Variants in NXN observed in about 807,000 individuals in gnomAD.
NXN encodes nucleoredoxin 1.
NXN carries 16 observed loss-of-function variants against 48.6 expected under a neutral mutation model. The observed-to-expected ratio is 0.33, with a 90% CI of 0.22 to 0.50. NXN has a LOEUF of 0.50. Ranked by LOEUF, NXN falls within the 20% of genes least tolerant of loss-of-function variation. The pLI is 0.98. For synonymous variants in NXN, 281 were observed against 269.6 expected, an observed-to-expected ratio of 1.04 and a Z score of -0.41; for missense variants, 492 against 605.5, an observed-to-expected ratio of 0.81 and a Z score of 1.97.
chr17:925,723 C>T (rs2068791799), intron 1 of NXN, among the ~76,000 whole-genome samples: 1 of 152,168 alleles, frequency 6.6e-6, no homozygotes, highest in African/African-American at 2.4e-5. Context: ...CTGTTAATGT[C>T]TCACCTCTCA....
intron 1 of NXN, among the ~76,000 whole-genome samples, chr17:931,174 C>G (rs559114561): frequency 6.6e-6 from 1 of 151,696 alleles, no homozygotes; most frequent in African/African-American, 2.4e-5. Flanking sequence ...GTAGGCCCAA[C>G]GACACAGGAG....
chr17:920,466 C>T lies in NXN; in HGVS notation c.360+58853G>A, dbSNP rs2068736460. Among the ~76,000 whole-genome samples, 1 of 152,074 alleles carries T rather than the reference C, an allele frequency of 6.6e-6. No homozygotes were observed. The highest frequency in any genetic ancestry group is 1.5e-5 in the Non-Finnish European group (1 of 68,008). ...GCCTGATCCCAATTCCTCCAGCGTT[C>T]TCCTCCCAGGGTTCCGCTCCCTCCC... On this transcript the variant is annotated intron_variant, in intron 1 of 7. Transcript: ENST00000336868. This position sits in a 1 kb window ranked among gnomAD's most constrained non-coding sequence, Gnocchi z 4.6.
Position 800,865 on chromosome 17 carries a change from C to A in NXN, c.*84G>T. ...CTTGGGTGGTGGGATTCGGGGCACG[C>A]TGGGTAAGTCCAAGGGCGGAAGGAA... is the stretch of plus-strand genomic sequence containing the variant. On this transcript the variant is annotated 3_prime_UTR_variant, in exon 8 of 8. Transcript: ENST00000336868. 1.0e-6 allele frequency: 1 copy of A among 986,564 alleles called. No homozygotes were observed. Among genetic ancestry groups the A allele is most frequent in the Non-Finnish European group, 1.4e-6 (1 of 734,440 alleles). 61.1% of individuals were successfully genotyped at this position (986,564 alleles called of 1,614,324 possible).
intron 1 of NXN, among the ~76,000 whole-genome samples, chr17:947,695 T>C (rs1299406935): frequency 6.4e-5 from 8 of 124,740 alleles, no homozygotes; most frequent in African/African-American, 2.2e-4. Flanking sequence ...ATCCTGCCAC[T>C]GCACTCCGGC....
chr17:843,018 A>AAGAG (rs1567829042), intron 1 of NXN, among the ~76,000 whole-genome samples: 1 of 113,630 alleles, frequency 8.8e-6, no homozygotes, highest in East Asian at 2.2e-4. Context: ...GAAAGAAAGA[A>AAGAG]AGAAAGAAAG....
Position 806,088 on chromosome 17 carries a change from C to T in NXN, c.821-841G>A, listed in dbSNP as rs537446571. 1.5e-4 allele frequency among the ~76,000 whole-genome samples: 22 copies of T among 149,786 alleles called. No homozygotes were observed. The South Asian group carries it at 3.0e-3, about 21-fold the overall frequency. ...CCTGAGGCTGGCCGCACCGGAGACT[C>T]GAAGAGGAGGACAGCTGACTGCAGC... On this transcript the variant is annotated intron_variant, in intron 5 of 7. Coordinates refer to ENST00000336868, the MANE Select transcript of NXN (RefSeq NM_022463.5).
chr17:943,542 C>G (rs1249802292), intron 1 of NXN, among the ~76,000 whole-genome samples: 1 of 152,222 alleles, frequency 6.6e-6, no homozygotes, highest in African/African-American at 2.4e-5. Flanking sequence ...TATTACCGGG[C>G]TGGGCACAGT....
chr17:971,127 G>A (rs541528804), intron 1 of NXN, among the ~76,000 whole-genome samples: 4 of 151,976 alleles, frequency 2.6e-5, no homozygotes, highest in Admixed American at 6.5e-5. Context: ...TGTATTTTAA[G>A]TAGAGACAGG....
chr17:839,791 C>T (rs1405888701), intron 1 of NXN, among the ~76,000 whole-genome samples: 1 of 57,038 alleles, frequency 1.8e-5, no homozygotes. Context: ...GACAGAGAGA[C>T]CTTGTTAAAA....
intron 5 of NXN, among the ~76,000 whole-genome samples, chr17:812,819 TGC>T (rs1192907125): frequency 8.7e-5 from 13 of 149,260 alleles, no homozygotes; most frequent in Middle Eastern, 3.5e-3. Context: ...TAGGTGTGTG[TGC>T]GAGTGTGCAT....
At chr17:856,159 C>CT (rs2067983798) in intron 1 of NXN, among the ~76,000 whole-genome samples, 1 of 151,892 alleles carries the variant, frequency 6.6e-6, no homozygotes, top group Admixed American at 6.6e-5. Context: ...CGCCACTGCA[C>CT]TCCAGCCTGG....
At chr17:879,084 G>A (rs1261822971) in intron 1 of NXN, among the ~76,000 whole-genome samples, 2 of 151,894 alleles carry the variant, frequency 1.3e-5, no homozygotes, top group Non-Finnish European at 2.9e-5. Context: ...AGAATCACTT[G>A]AACCCGGGAG....
rs572697620 is a variant in NXN, at chr17:822,350, G to A, written c.713+7C>T. Reference sequence around the variant, plus strand: ...AAAGGGGCCCAGCACTTCACGGCACGACTGACCTGTCTGCACTAACGAAGA... The same window carrying A: ...AAAGGGGCCCAGCACTTCACGGCACAACTGACCTGTCTGCACTAACGAAGA... On this transcript the variant is annotated splice_region_variant and intron_variant, in intron 4 of 7. Transcript: ENST00000336868. 1.1e-5 allele frequency: 17 copies of A among 1,607,288 alleles called. No individual in the cohort carries two copies. The highest frequency in any genetic ancestry group is 4.0e-5 in the African/African-American group (3 of 74,890).
Position 822,390 on chromosome 17 carries a change from T to C in NXN, c.680A>G (p.Gln227Arg), listed in dbSNP as rs1298852171. ...ACTAACGAAGATGATCTCGAAGTTC[T>C]GGCCTGCCTCCTTGATCTTCCGGTA... is the stretch of plus-strand genomic sequence containing the variant. ...ESYRKIKEAG[Q>R]NFEIIFVSAD... Residue 227 changes from glutamine (Q) to arginine (R), a missense_variant, in exon 4 of 8, where the codon CAG (glutamine) becomes CGG (arginine). Transcript: ENST00000336868. 1.2e-6 allele frequency: 2 copies of C among 1,614,134 alleles called. No homozygotes were observed. Among genetic ancestry groups the C allele is most frequent in the East Asian group, 2.2e-5 (1 of 44,884 alleles).
At chr17:935,682 G>A (rs1396802966) in intron 1 of NXN, among the ~76,000 whole-genome samples, 2 of 152,200 alleles carry the variant, frequency 1.3e-5, no homozygotes, top group African/African-American at 2.4e-5. Context: ...CTTGCTCTGA[G>A]AGCTGGGAGA....
At chr17:905,518 G>C (rs915248512) in intron 1 of NXN, among the ~76,000 whole-genome samples, 4 of 152,140 alleles carry the variant, frequency 2.6e-5, no homozygotes, top group African/African-American at 9.7e-5. Context: ...CAAAATGGAG[G>C]GGTGCTCTTA....
At chr17:950,242 C>T (rs1255453044) in intron 1 of NXN, among the ~76,000 whole-genome samples, 1 of 152,104 alleles carries the variant, frequency 6.6e-6, no homozygotes, top group African/African-American at 2.4e-5. Flanking sequence ...GCCCCTTTCC[C>T]CTCCAGGCAG....
In NXN at chr17:889,761, A is replaced by AAGAAAGAAAGAGAAAGAAAG. The variant is rs1555619043; in HGVS notation, c.361-63684_361-63683insCTTTCTTTCTCTTTCTTTCT. 4.2e-5 allele frequency among the ~76,000 whole-genome samples: 3 copies of AAGAAAGAAAGAGAAAGAAAG among 70,778 alleles called. 1 individual carries two copies. The highest frequency in any genetic ancestry group is 1.3e-4 in the African/African-American group (2 of 15,464). The allele number at this position is 70,778 out of a possible 152,430, so 46.4% of individuals were successfully genotyped here. A position where few individuals can be genotyped will look rare whatever the true frequency, so the allele number is the denominator to read the frequency against. On this transcript the variant is annotated intron_variant, in intron 1 of 7. Transcript: ENST00000336868. ...AAAGAAAGAAAGAAAGAAAGAAAGA[A>AAGAAAGAAAGAGAAAGAAAG]AAAGAAAGAAAGAAAAGAGAGAGAA...
Position 849,686 on chromosome 17 carries a change from A to C in NXN, c.361-23608T>G, listed in dbSNP as rs188180428. 5.1e-4 allele frequency among the ~76,000 whole-genome samples: 78 copies of C among 152,268 alleles called. 1 individual carries two copies. The highest frequency in any genetic ancestry group is 8.2e-4 in the Non-Finnish European group (56 of 68,014). On this transcript the variant is annotated intron_variant, in intron 1 of 7. Coordinates refer to ENST00000336868, the MANE Select transcript of NXN (RefSeq NM_022463.5). The surrounding 1 kb of genome is among the most constrained non-coding windows in gnomAD (Gnocchi z 4.2). ...CATCCCTTTACCTCCGCAGACAAGC[A>C]ATCATCATTTCCTAAACGTGGCAGG...
Sources: allele counts gnomAD v4.1 joint callset (sites outside exome capture counted in the v4.1 genomes callset), GRCh38; gene constraint gnomAD v4.1.1; non-coding constraint Gnocchi (gnomAD v3.1); transcripts MANE v1.5; gene names NCBI Gene and HGNC (gene_info 2026-07-23, HGNC 2026-07-21).